Variants in ZDHHC21 observed in about 807,000 individuals in gnomAD.
The protein encoded by ZDHHC21 is zDHHC palmitoyltransferase 21.
In ZDHHC21, 15 loss-of-function variants were observed where a neutral mutation model predicts 34.6. The ratio of observed to expected loss-of-function variants is 0.43; its 90% CI spans 0.29 to 0.67. The LOEUF (loss-of-function observed/expected upper bound fraction) is 0.67, where lower values mean the gene tolerates loss of function less well. Ranked by LOEUF, ZDHHC21 falls within the 30% of genes least tolerant of loss-of-function variation. The pLI is 0.14. For missense variants in ZDHHC21, 344 were observed against 327.7 expected, an observed-to-expected ratio of 1.05 and a Z score of -0.38; for synonymous variants, 142 against 101.8, an observed-to-expected ratio of 1.40 and a Z score of -2.38.
intron 5 of ZDHHC21, among the ~76,000 whole-genome samples, chr9:14,671,285 TAAAA>T (rs2131503134): frequency 6.6e-6 from 1 of 152,164 alleles, no homozygotes; most frequent in African/African-American, 2.4e-5. Context: ...ATGAGTCTTT[TAAAA>T]GACTCTCATT....
intron 3 of ZDHHC21, 106 bp downstream of exon 3, chr9:14,679,927 T>G (rs1837080068): frequency 6.6e-6 from 1 of 152,482 alleles, no homozygotes. Flanking sequence ...ATAAAGTAAC[T>G]ACATTTGCTA....
intron 7 of ZDHHC21, among the ~76,000 whole-genome samples, chr9:14,655,957 T>C (rs1037596346): frequency 6.6e-6 from 1 of 151,220 alleles, no homozygotes; most frequent in Non-Finnish European, 1.5e-5. Flanking sequence ...AGATATACCA[T>C]GAAAACACTA....
At chr9:14,653,513 T>A (rs1451316529) in intron 7 of ZDHHC21, among the ~76,000 whole-genome samples, 1 of 152,006 alleles carries the variant, frequency 6.6e-6, no homozygotes, top group Non-Finnish European at 1.5e-5. Flanking sequence ...TACTAAAGAT[T>A]TGCCCTTAAA....
At position 14,658,759 on chromosome 9, in the gene ZDHHC21, T is replaced by C. The variant is rs1408061618; in HGVS notation, c.494A>G (p.Lys165Arg). Residue 165 changes from lysine (K) to arginine (R), a missense_variant, in exon 7 of 10, where the codon AAG becomes AGG. By Grantham distance (26) the Lys-to-Arg change is conservative. Transcript: ENST00000380916. ...CHYYYFLPLK[K>R]RNLDLFVFRH... ...ATAAACATTTCTTACCAAATTACGC[T>C]TTTTTAGTGGAAGAAAATAGTAATA... 6.2e-7 allele frequency: 1 copy of C among 1,613,286 alleles called. No individual in the cohort carries two copies. Among genetic ancestry groups the C allele is most frequent in the South Asian group, 1.1e-5 (1 of 90,996 alleles).
chr9:14,653,020 C>A (rs557037021), intron 7 of ZDHHC21, among the ~76,000 whole-genome samples: 105 of 152,026 alleles, frequency 6.9e-4, no homozygotes, highest in African/African-American at 2.5e-3. Flanking sequence ...CAGAAGAACA[C>A]AGGGTCAAAG....
Position 14,618,557 on chromosome 9 carries a change from C to T in ZDHHC21, c.*409G>A, listed in dbSNP as rs909813753. The T allele has an allele frequency of 1.3e-5, 2 of 153,582 alleles. No homozygotes were observed. The highest frequency in any genetic ancestry group is 2.4e-5 in the African/African-American group (1 of 41,442). The allele number at this position is 153,582 out of a possible 1,614,324, so 9.5% of individuals were successfully genotyped here. ...AGAAGGTGTATCAACTTTTGTAAAA[C>T]CTGAATAATTAAATTTAGATTTGGT... On this transcript the variant is annotated 3_prime_UTR_variant, in exon 10 of 10. Transcript: ENST00000380916.
chr9:14,615,136 A>G lies in ZDHHC21; in HGVS notation c.*3830T>C, dbSNP rs188118677. The G allele has an allele frequency of 9.2e-5, 14 of 151,816 alleles. No individual in the cohort carries two copies. The highest frequency in any genetic ancestry group is 2.9e-4 in the African/African-American group (12 of 41,524). The allele number at this position is 151,816 out of a possible 1,614,324, so 9.4% of individuals were successfully genotyped here. Reference sequence around the variant, plus strand: ...TACCCCATGATCTAACACACAGAAAATTGTGTAGCTATAATCTAAATCAGT... The same window carrying G: ...TACCCCATGATCTAACACACAGAAAGTTGTGTAGCTATAATCTAAATCAGT... On this transcript the variant is annotated 3_prime_UTR_variant, in exon 10 of 10. Coordinates refer to ENST00000380916, the MANE Select transcript of ZDHHC21 (RefSeq NM_178566.6).
At chr9:14,631,812 A>T (rs981967678) in intron 8 of ZDHHC21, among the ~76,000 whole-genome samples, 1 of 152,170 alleles carries the variant, frequency 6.6e-6, no homozygotes, top group East Asian at 1.9e-4. Flanking sequence ...CACAACATTT[A>T]CCAATTAAGT....
chr9:14,693,188 G>C (rs995421072), intron 1 of ZDHHC21, 41 bp downstream of exon 1: 14 of 333,260 alleles, frequency 4.2e-5, no homozygotes, highest in African/African-American at 2.7e-4. Context: ...ATGGGGATGG[G>C]GGTGGGGGCG....
At chr9:14,608,435 T>C (rs1025828973), downstream of ZDHHC21, among the ~76,000 whole-genome samples, 1 of 152,206 alleles carries the variant, frequency 6.6e-6, no homozygotes, top group Non-Finnish European at 1.5e-5. Flanking sequence ...TCTACAGTAG[T>C]ATCTGAGTGC....
intron 8 of ZDHHC21, among the ~76,000 whole-genome samples, chr9:14,639,028 A>G (rs1286547287): frequency 6.6e-6 from 1 of 152,106 alleles, no homozygotes; most frequent in African/African-American, 2.4e-5. Flanking sequence ...AAAAAAAACA[A>G]TCAGTATATC....
chr9:14,623,520 T>A (rs1825673365), intron 8 of ZDHHC21, among the ~76,000 whole-genome samples: 1 of 149,210 alleles, frequency 6.7e-6, no homozygotes, highest in South Asian at 2.1e-4. Flanking sequence ...TAGAATGAAA[T>A]CCTGTCTCTT....
intron 7 of ZDHHC21, among the ~76,000 whole-genome samples, chr9:14,651,527 C>G (rs998698987): frequency 6.6e-6 from 1 of 151,824 alleles, no homozygotes; most frequent in Non-Finnish European, 1.5e-5. Context: ...GGCAACCATA[C>G]TATTTATCCC....
chr9:14,652,786 G>A (rs149213098), intron 7 of ZDHHC21, among the ~76,000 whole-genome samples: 1 of 152,056 alleles, frequency 6.6e-6, no homozygotes, highest in Non-Finnish European at 1.5e-5. Context: ...AATGGTCAAA[G>A]TGCAACTCAT....
chr9:14,675,804 G>A (rs1836269795), intron 3 of ZDHHC21, among the ~76,000 whole-genome samples: 1 of 151,940 alleles, frequency 6.6e-6, no homozygotes, highest in African/African-American at 2.4e-5. Context: ...GAGGAATCAA[G>A]TAAGACTTAC....
At chr9:14,668,715 G>T (rs1834936236) in intron 5 of ZDHHC21, among the ~76,000 whole-genome samples, 1 of 138,918 alleles carries the variant, frequency 7.2e-6, no homozygotes, top group African/African-American at 2.7e-5. Flanking sequence ...ACAACTATCT[G>T]ATCTTTGACA....
At chr9:14,591,215 T>C in the ZDHHC21 span, among the ~76,000 whole-genome samples, 254 of 152,256 alleles carry the variant, frequency 1.7e-3, 1 homozygote, top group African/African-American at 5.9e-3. Flanking sequence ...AATTTGAATG[T>C]TTCTGTCCCT....
In ZDHHC21 at chr9:14,615,733, C is replaced by T. The variant is rs1414188796; in HGVS notation, c.*3233G>A. On this transcript the variant is annotated 3_prime_UTR_variant, in exon 10 of 10. Coordinates refer to ENST00000380916, the MANE Select transcript of ZDHHC21 (RefSeq NM_178566.6). ...TTTTGTTTGCAGAAAACAACAATGA[C>T]AAATATGATTGTTAAGGAGGTGTAA... is the stretch of plus-strand genomic sequence containing the variant. 1 of 151,468 alleles carries T rather than the reference C, an allele frequency of 6.6e-6. No individual in the cohort carries two copies. Among genetic ancestry groups the T allele is most frequent in the Non-Finnish European group, 1.5e-5 (1 of 67,650 alleles). The allele number at this position is 151,468 out of a possible 1,614,324, so 9.4% of individuals were successfully genotyped here.
intron 7 of ZDHHC21, among the ~76,000 whole-genome samples, chr9:14,657,924 G>A (rs909055824): frequency 4.6e-5 from 7 of 151,942 alleles, no homozygotes; most frequent in Non-Finnish European, 8.8e-5. Context: ...TAACTTTAAT[G>A]CCAATTATAT....
Sources: allele counts gnomAD v4.1 joint callset (sites outside exome capture counted in the v4.1 genomes callset), GRCh38; gene constraint gnomAD v4.1.1; transcripts MANE v1.5; gene names NCBI Gene and HGNC (gene_info 2026-07-23, HGNC 2026-07-21).